Variants in SCAF1 observed in about 807,000 individuals in gnomAD.
SCAF1 encodes the protein SR-related CTD associated factor 1, also known as splicing factor, arginine/serine-rich 19.
A neutral mutation model predicts 91.2 loss-of-function variants in SCAF1; 28 were observed. The ratio of observed to expected loss-of-function variants is 0.31; its 90% confidence interval spans 0.23 to 0.42. The LOEUF is 0.42. Ranked by LOEUF, SCAF1 falls within the 10% of genes least tolerant of loss-of-function variation. The probability of loss-of-function intolerance (pLI) is 1.00; values close to 1 mark genes in which losing one functional copy is unlikely to be tolerated. For missense variants in SCAF1, 1,893 were observed against 1,872.1 expected, an observed-to-expected ratio of 1.01 and a Z score of -0.21; for synonymous variants, 1,036 against 833.7, an observed-to-expected ratio of 1.24 and a Z score of -4.18.
intron 7 of SCAF1, 75 bp downstream of exon 7, chr19:49,653,780 G>T (rs1300298795): frequency 2.2e-6 from 3 of 1,351,462 alleles, no homozygotes; most frequent in African/African-American, 1.5e-5. Context: ...AGACTTAGAG[G>T]CAGTGGGGTG....
chr19:49,652,468 C>T lies in SCAF1; in HGVS notation c.2079C>T (p.Leu693=), dbSNP rs1342906233. 2 of 1,599,980 alleles carry T rather than the reference C, an allele frequency of 1.3e-6. No homozygotes were observed. Among genetic ancestry groups the T allele is most frequent in the Non-Finnish European group, 1.7e-6 (2 of 1,176,248 alleles). The change falls in exon 7 of 11, where the codon CTC becomes CTT. Residue 693 remains leucine (L), a synonymous_variant. Coordinates refer to ENST00000360565, the MANE Select transcript of SCAF1 (RefSeq NM_021228.3). ...CCGTGCCACCCTCCATCCAGGACCT[C>T]ACGGACCACGACCTCTTCGCCATCA... The part of the protein sequence containing the change: ...RGAVPPSIQD[L]TDHDLFAIKR...
intron 7 of SCAF1, 42 bp from the exon 8 acceptor site, chr19:49,654,307 A>C (rs775203744): frequency 5.8e-5 from 91 of 1,567,418 alleles, no homozygotes; most frequent in Non-Finnish European, 7.7e-5. Context: ...CTGTCCTGTC[A>C]CCTCTCCCAT....
In SCAF1 at chr19:49,642,511, C is replaced by T. The variant is rs538024895; in HGVS notation, c.-7+269C>T. ...GGGCGTCTCTGGGCCTAGACCGAGC[C>T]TAAGGCCTGCCCTCCATCACACAGC... On this transcript the variant is annotated intron_variant, in intron 1 of 10. Coordinates refer to ENST00000360565, the MANE Select transcript of SCAF1 (RefSeq NM_021228.3). The surrounding 1 kb of genome is among the most constrained non-coding windows in gnomAD (Gnocchi z 4.0). 3.3e-5 allele frequency: 5 copies of T among 152,230 alleles called. No individual in the cohort carries two copies. Among genetic ancestry groups the T allele is most frequent in the African/African-American group, 7.2e-5 (3 of 41,432 alleles). The allele number at this position is 152,230 out of a possible 1,614,324, so 9.4% of individuals were successfully genotyped here.
intron 9 of SCAF1, among the ~76,000 whole-genome samples, chr19:49,657,535 G>A (rs1303266046): frequency 2.0e-5 from 3 of 152,208 alleles, no homozygotes; most frequent in Non-Finnish European, 2.9e-5. Context: ...CCCAGGGTTC[G>A]GCCTGGAGGA....
At position 49,651,555 on chromosome 19, in the gene SCAF1, C is replaced by G. The variant is rs867079547; in HGVS notation, c.1166C>G (p.Ser389Trp). Residue 389 changes from serine to tryptophan, a missense_variant, in exon 7 of 11, where the codon TCG (serine) becomes TGG (tryptophan). This residue lies in a region of SCAF1 where 1,436 missense variants were observed against 1,306.8 expected (regional missense o/e 1.10). Coordinates refer to ENST00000360565, the MANE Select transcript of SCAF1 (RefSeq NM_021228.3). ...LPPPLLPPGD[S>W]EIEEGEIVQP... ...CCGCCCCTGCTGCCGCCCGGCGACTCGGAGATCGAGGAAGGGGAGATCGTC... is the reference window on the plus strand; with the variant it reads ...CCGCCCCTGCTGCCGCCCGGCGACTGGGAGATCGAGGAAGGGGAGATCGTC... The G allele has an allele frequency of 1.2e-5, 18 of 1,557,464 alleles. No individual in the cohort carries two copies. The highest frequency in any genetic ancestry group is 1.6e-5 in the Non-Finnish European group (18 of 1,152,632).
chr19:49,646,971 G>C lies in SCAF1; in HGVS notation c.478+141G>C, dbSNP rs1002996223. ...CTTCGTATTAGACGTGATTAAGGCT[G>C]TAGGCGCATACAGATGTACATAAAG... is the stretch of plus-strand genomic sequence containing the variant. On this transcript the variant is annotated intron_variant, in intron 6 of 10. Coordinates refer to ENST00000360565, the MANE Select transcript of SCAF1 (RefSeq NM_021228.3). This position sits in a 1 kb window ranked among gnomAD's most constrained non-coding sequence, Gnocchi z 5.6. 3.3e-5 allele frequency: 22 copies of C among 659,018 alleles called. No individual in the cohort carries two copies. The highest frequency in any genetic ancestry group is 5.1e-5 in the Non-Finnish European group (20 of 388,744). The allele number at this position is 659,018 out of a possible 1,614,324, so 40.8% of individuals were successfully genotyped here. A position where few individuals can be genotyped will look rare whatever the true frequency, so the allele number is the denominator to read the frequency against.
chr19:49,657,593 C>T (rs2081147939), intron 9 of SCAF1, among the ~76,000 whole-genome samples, 168 bp from the exon 10 acceptor site: 1 of 152,216 alleles, frequency 6.6e-6, no homozygotes, highest in Non-Finnish European at 1.5e-5. Context: ...TGGTCCCGGG[C>T]ACCTGCAGCA....
At chr19:49,657,650 A>C (rs1352828482) in intron 9 of SCAF1, 111 bp from the exon 10 acceptor site, 1 of 1,325,382 alleles carries the variant, frequency 7.5e-7, no homozygotes, top group African/African-American at 1.5e-5. Flanking sequence ...GCCTGAGAGC[A>C]GCTGGACGGC....
At chr19:49,656,806 C>T (rs1402692127) in intron 9 of SCAF1, among the ~76,000 whole-genome samples, 1 of 152,202 alleles carries the variant, frequency 6.6e-6, no homozygotes, top group Non-Finnish European at 1.5e-5. Context: ...GTGCCATGTC[C>T]TCCATGTGTG....
chr19:49,651,940 G>A lies in SCAF1; in HGVS notation c.1551G>A (p.Lys517=), dbSNP rs1165079703. ...PAAAAGPPTR[K]KSRRERKRSG... The stretch of plus-strand genomic sequence containing the variant: ...CCGCTGCTGGTCCGCCCACGCGCAA[G>A]AAGTCCAGGCGGGAACGCAAGCGCA... Residue 517 remains lysine, a synonymous_variant, in exon 7 of 11, where the codon AAG becomes AAA. Transcript: ENST00000360565. 3 of 1,187,830 alleles carry A rather than the reference G, an allele frequency of 2.5e-6. No homozygotes were observed. In the South Asian group the frequency reaches 5.5e-5, roughly 22 times the overall value. 73.6% of individuals were successfully genotyped at this position (1,187,830 alleles called of 1,614,324 possible). A position where few individuals can be genotyped will look rare whatever the true frequency, so the allele number is the denominator to read the frequency against.
At chr19:49,656,534 T>A (rs1369735763) in intron 9 of SCAF1, among the ~76,000 whole-genome samples, 1 of 152,198 alleles carries the variant, frequency 6.6e-6, no homozygotes, top group Non-Finnish European at 1.5e-5. Flanking sequence ...AGAAGGCCTG[T>A]TCTTCTCTGG....
intron 7 of SCAF1, 27 bp from the exon 8 acceptor site, chr19:49,654,322 A>G (rs375523757): frequency 5.6e-6 from 9 of 1,604,660 alleles, no homozygotes; most frequent in Non-Finnish European, 7.7e-6. Context: ...TCCCATCTTC[A>G]TGTTGTCACC....
At position 49,646,237 on chromosome 19, in the gene SCAF1, C is replaced by T. The variant is rs367559981; in HGVS notation, c.261+35C>T. 7.0e-5 allele frequency: 77 copies of T among 1,099,532 alleles called. No homozygotes were observed. The highest frequency in any genetic ancestry group is 5.2e-4 in the Admixed American group (22 of 41,944). The allele number at this position is 1,099,532 out of a possible 1,614,324, so 68.1% of individuals were successfully genotyped here. On this transcript the variant is annotated intron_variant, in intron 4 of 10. Transcript: ENST00000360565. This position sits in a 1 kb window ranked among gnomAD's most constrained non-coding sequence, Gnocchi z 5.6. Reference sequence around the variant, plus strand: ...AAGAGGGGGCTGGGGGCCTGGCTCACGGGTATCAGGGAGGAAGGGATGGGG... The same window carrying T: ...AAGAGGGGGCTGGGGGCCTGGCTCATGGGTATCAGGGAGGAAGGGATGGGG...
At position 49,652,059 on chromosome 19, in the gene SCAF1, C is replaced by T. The variant is rs1230905975; in HGVS notation, c.1670C>T (p.Ser557Leu). The T allele has an allele frequency of 2.0e-5, 25 of 1,226,330 alleles. No individual in the cohort carries two copies. The highest frequency in any genetic ancestry group is 2.4e-5 in the Non-Finnish European group (23 of 970,344). The allele number at this position is 1,226,330 out of a possible 1,614,324, so 76.0% of individuals were successfully genotyped here. Residue 557 changes from serine to leucine, a missense_variant, in exon 7 of 11, where the codon TCG becomes TTG. By Grantham distance (145) the Ser-to-Leu change is moderately radical. Transcript: ENST00000360565. ...CCCTGGGACTCCAAGAAGCACCGCTCGCGGGACCGCAAGCCCGGCTCCCAC... is the reference window on the plus strand; with the variant it reads ...CCCTGGGACTCCAAGAAGCACCGCTTGCGGGACCGCAAGCCCGGCTCCCAC... ...ASPWDSKKHRSRDRKPGSHAS... is the reference protein window; with the variant it reads ...ASPWDSKKHRLRDRKPGSHAS...
In SCAF1 at chr19:49,645,007, C is replaced by G; in HGVS notation, c.-6-14C>G. ...CGGGACCTCCACTCCAAACTCTCCCCCCTGGACCCCCAGGTGACCATGGAG... is the reference window on the plus strand; with the variant it reads ...CGGGACCTCCACTCCAAACTCTCCCGCCTGGACCCCCAGGTGACCATGGAG... On this transcript the variant is annotated splice_polypyrimidine_tract_variant and intron_variant, in intron 1 of 10. Transcript: ENST00000360565. The surrounding 1 kb of genome is among the most constrained non-coding windows in gnomAD (Gnocchi z 4.6). 1 of 1,602,650 alleles carries G rather than the reference C, an allele frequency of 6.2e-7. No individual in the cohort carries two copies. The highest frequency in any genetic ancestry group is 8.5e-7 in the Non-Finnish European group (1 of 1,170,194).
rs921726682 is a variant in SCAF1, at chr19:49,652,810, C to G, written c.2421C>G (p.Pro807=). Reference sequence around the variant, plus strand: ...AGGAGTCGGCGCCTTCCTCAGGGCCCCCGCCAAAGCCACCAGTCAGCAGCG... The same window carrying G: ...AGGAGTCGGCGCCTTCCTCAGGGCCGCCGCCAAAGCCACCAGTCAGCAGCG... ...PPKESAPSSG[P]PPKPPVSSGS... The change falls in exon 7 of 11, where the codon CCC becomes CCG. Residue 807 remains proline (P), a synonymous_variant. Coordinates refer to ENST00000360565, the MANE Select transcript of SCAF1 (RefSeq NM_021228.3). 1.2e-6 allele frequency: 2 copies of G among 1,613,814 alleles called. No individual in the cohort carries two copies. Among genetic ancestry groups the G allele is most frequent in the Admixed American group, 1.7e-5 (1 of 59,992 alleles).
chr19:49,657,741 C>G lies in SCAF1; in HGVS notation c.3619-20C>G. The G allele has an allele frequency of 6.3e-7, 1 of 1,586,262 alleles. No individual in the cohort carries two copies. Among genetic ancestry groups the G allele is most frequent in the Non-Finnish European group, 8.6e-7 (1 of 1,165,466 alleles). On this transcript the variant is annotated intron_variant, in intron 9 of 10. Coordinates refer to ENST00000360565, the MANE Select transcript of SCAF1 (RefSeq NM_021228.3). Reference sequence around the variant, plus strand: ...CACTGGCCCTTGCTGTGTCTTCCCCCGCTGTCGCCACCCCACCAGTATCTG... The same window carrying G: ...CACTGGCCCTTGCTGTGTCTTCCCCGGCTGTCGCCACCCCACCAGTATCTG...
rs774976904 is a variant in SCAF1 at position 49,651,562 on chromosome 19, C to T, written c.1173C>T (p.Ile391=). 1.6e-5 allele frequency: 25 copies of T among 1,555,270 alleles called. No individual in the cohort carries two copies. The highest frequency in any genetic ancestry group is 2.1e-5 in the Non-Finnish European group (24 of 1,151,542). The change falls in exon 7 of 11, where the codon ATC becomes ATT. Residue 391 remains isoleucine (I), a synonymous_variant. Transcript: ENST00000360565. The part of the protein sequence containing the change: ...PPLLPPGDSE[I]EEGEIVQPEE... ...TGCTGCCGCCCGGCGACTCGGAGAT[C>T]GAGGAAGGGGAGATCGTCCAGCCGG...
Position 49,651,615 on chromosome 19 carries a change from T to A in SCAF1, c.1226T>A (p.Leu409His). 1 of 1,474,906 alleles carries A rather than the reference T, an allele frequency of 6.8e-7. No homozygotes were observed. 91.4% of individuals were successfully genotyped at this position (1,474,906 alleles called of 1,614,324 possible). A position where few individuals can be genotyped will look rare whatever the true frequency, so the allele number is the denominator to read the frequency against. Reference sequence around the variant, plus strand: ...GAGGAGCCCAGGCTGGCGCTGTCCCTCTTCCGCCCCGGCGGCCGGGCCGCC... The same window carrying A: ...GAGGAGCCCAGGCTGGCGCTGTCCCACTTCCGCCCCGGCGGCCGGGCCGCC... ...PEEEPRLALS[L>H]FRPGGRAARP... The change falls in exon 7 of 11, where the codon CTC becomes CAC. Residue 409 changes from leucine to histidine, a missense_variant. Physicochemically the swap from Leu to His is moderately conservative, Grantham distance 99. Coordinates refer to ENST00000360565, the MANE Select transcript of SCAF1 (RefSeq NM_021228.3).
Sources: allele counts gnomAD v4.1 joint callset (sites outside exome capture counted in the v4.1 genomes callset), GRCh38; gene constraint gnomAD v4.1.1; regional missense constraint gnomAD v4.1.1; non-coding constraint Gnocchi (gnomAD v3.1); transcripts MANE v1.5; gene names NCBI Gene and HGNC (gene_info 2026-07-23, HGNC 2026-07-21).